NRG3: variants seen among roughly 807,000 people sequenced by gnomAD.
The protein encoded by NRG3 is neuregulin 3, also known as pro-neuregulin-3, membrane-bound isoform.
In NRG3, 31 loss-of-function variants were observed where a neutral mutation model predicts 66.9. That is an observed-to-expected ratio of 0.46 (90% CI 0.35 to 0.63). The LOEUF (loss-of-function observed/expected upper bound fraction) is 0.63, where lower values mean the gene tolerates loss of function less well. NRG3 is among the 20% of genes least tolerant of loss of function. NRG3 has a pLI of 0.00. For synonymous variants in NRG3, 393 were observed against 359.4 expected, an observed-to-expected ratio of 1.09 and a Z score of -1.06; for missense variants, 910 against 878.9, an observed-to-expected ratio of 1.04 and a Z score of -0.45.
intron 1 of NRG3, among the ~76,000 whole-genome samples, chr10:82,306,703 TAAAAAAAAA>T (rs71009805): frequency 1.4e-4 from 5 of 35,882 alleles, no homozygotes; most frequent in African/African-American, 5.0e-4. Flanking sequence ...GACTCCGTCT[TAAAAAAAAA>T]AAAAAAAAAA....
At chr10:82,405,415 C>T (rs1455945591) in intron 2 of NRG3, among the ~76,000 whole-genome samples, 1 of 149,286 alleles carries the variant, frequency 6.7e-6, no homozygotes, top group East Asian at 2.0e-4. Context: ...AGAGATTGTT[C>T]ATGAAAGTAC....
intron 2 of NRG3, among the ~76,000 whole-genome samples, chr10:82,363,340 G>A (rs1031178525): frequency 7.2e-5 from 11 of 152,112 alleles, no homozygotes; most frequent in South Asian, 2.1e-4. Context: ...TTGGTAAGGG[G>A]GCTGTGAAAA....
At chr10:82,006,918 C>A (rs1185229610) in intron 1 of NRG3, among the ~76,000 whole-genome samples, 5 of 152,166 alleles carry the variant, frequency 3.3e-5, no homozygotes, top group Admixed American at 3.3e-4. Flanking sequence ...TGATCTGTAA[C>A]TTTTCCATGT....
intron 4 of NRG3, among the ~76,000 whole-genome samples, chr10:82,928,612 G>GTTT (rs59744503): frequency 0.38 from 44,636 of 117,528 alleles, 7,339 homozygotes; most frequent in East Asian, 0.65. Context: ...GGATCAGCAG[G>GTTT]TTTTTTTTTT....
At chr10:82,640,454 A>G (rs368383980) in intron 2 of NRG3, among the ~76,000 whole-genome samples, 2 of 152,274 alleles carry the variant, frequency 1.3e-5, no homozygotes, top group East Asian at 1.9e-4. Flanking sequence ...ACATTTCTTC[A>G]TATTAAGTCC....
chr10:82,065,010 G>C (rs922508233), intron 1 of NRG3, among the ~76,000 whole-genome samples: 6 of 152,110 alleles, frequency 3.9e-5, no homozygotes, highest in Non-Finnish European at 8.8e-5. Context: ...ATATTTGTGT[G>C]CAGAAGCTGA....
chr10:82,339,821 A>AT (rs2082587042), intron 1 of NRG3, among the ~76,000 whole-genome samples: 1 of 151,752 alleles, frequency 6.6e-6, no homozygotes, highest in Non-Finnish European at 1.5e-5. Flanking sequence ...CTCATCTGCC[A>AT]TGTCTAGGAA....
chr10:82,201,623 T>C (rs1348956509), intron 1 of NRG3, among the ~76,000 whole-genome samples: 1 of 152,144 alleles, frequency 6.6e-6, no homozygotes, highest in Non-Finnish European at 1.5e-5. Context: ...GTTGTCTTTT[T>C]TTTTAGCAGG....
intron 2 of NRG3, among the ~76,000 whole-genome samples, chr10:82,735,019 A>G (rs11195761): frequency 2.1e-5 from 3 of 144,992 alleles, no homozygotes; most frequent in Admixed American, 1.4e-4. Flanking sequence ...AAAAAAAAAG[A>G]AAAAAAAAAG....
chr10:82,815,179 T>C (rs2061655232), intron 3 of NRG3, among the ~76,000 whole-genome samples: 1 of 152,242 alleles, frequency 6.6e-6, no homozygotes, highest in African/African-American at 2.4e-5. Flanking sequence ...TATGGCATCC[T>C]GATGAAAGTT....
chr10:82,517,607 G>GTCTC (rs771355098), intron 2 of NRG3, among the ~76,000 whole-genome samples: 1 of 140,098 alleles, frequency 7.1e-6, no homozygotes, highest in Non-Finnish European at 1.5e-5. Context: ...TTCACTCCTT[G>GTCTC]TCTCTCTCTC....
At chr10:82,328,582 TC>T (rs2081985311) in intron 1 of NRG3, among the ~76,000 whole-genome samples, 1 of 152,132 alleles carries the variant, frequency 6.6e-6, no homozygotes, top group South Asian at 2.1e-4. Context: ...TCTGTTCAAG[TC>T]CGTAAATGGT....
In NRG3 at chr10:82,179,532, C is replaced by T. The variant is rs2073273293; in HGVS notation, c.824-179207C>T. On this transcript the variant is annotated intron_variant, in intron 1 of 8. Transcript: ENST00000372141. ...CTTTTCTCCATTATGTTCTTGGCAT[C>T]CTTGTCAATGATTATTTGACGATAA... Among the ~76,000 whole-genome samples, 3 of 152,040 alleles carry T rather than the reference C, an allele frequency of 2.0e-5. No homozygotes were observed. In the South Asian group the frequency reaches 6.2e-4, roughly 32 times the overall value.
chr10:82,913,537 A>G (rs1188572103), intron 4 of NRG3, among the ~76,000 whole-genome samples: 1 of 152,018 alleles, frequency 6.6e-6, no homozygotes, highest in African/African-American at 2.4e-5. Flanking sequence ...TTTCTCCTTT[A>G]CTTTTGTAGA....
chr10:82,092,567 C>T (rs2066089877), intron 1 of NRG3, among the ~76,000 whole-genome samples: 1 of 152,016 alleles, frequency 6.6e-6, no homozygotes, highest in Non-Finnish European at 1.5e-5. Context: ...CACAAAGAAG[C>T]ATATCTTAAT....
chr10:82,968,440 A>T (rs1271060476), intron 6 of NRG3, among the ~76,000 whole-genome samples: 2 of 152,244 alleles, frequency 1.3e-5, no homozygotes, highest in African/African-American at 4.8e-5. Context: ...CAACTGTTTA[A>T]TATCGCAATA....
chr10:82,102,133 C>CAT (rs369498870), intron 1 of NRG3, among the ~76,000 whole-genome samples: 1,262 of 26,216 alleles, frequency 0.048, 43 homozygotes, highest in African/African-American at 0.12. Context: ...TATGTGTATT[C>CAT]ATATATATAT....
chr10:82,124,568 G>A (rs2068304980), intron 1 of NRG3, among the ~76,000 whole-genome samples: 1 of 151,708 alleles, frequency 6.6e-6, no homozygotes, highest in Admixed American at 6.6e-5. Context: ...CCTGTCGGGG[G>A]GTGGAGGGCA....
At chr10:82,963,437 T>C (rs1004527350) in intron 6 of NRG3, among the ~76,000 whole-genome samples, 12 of 152,144 alleles carry the variant, frequency 7.9e-5, no homozygotes, top group Non-Finnish European at 1.5e-4. Flanking sequence ...TCCCAGCACT[T>C]TGGGAGGCCG....
Sources: allele counts gnomAD v4.1 joint callset (sites outside exome capture counted in the v4.1 genomes callset), GRCh38; gene constraint gnomAD v4.1.1; transcripts MANE v1.5; gene names NCBI Gene and HGNC (gene_info 2026-07-23, HGNC 2026-07-21).